Variants in TENM4 observed in about 807,000 individuals in gnomAD.
TENM4 encodes teneurin-4.
Under a neutral mutation model 243.3 loss-of-function variants are expected in TENM4, and 82 were observed. That is an observed-to-expected ratio of 0.34 (90% confidence interval 0.28 to 0.40). TENM4 has a LOEUF of 0.40. TENM4 is among the 10% of genes least tolerant of loss of function. The pLI is 1.00. For synonymous variants in TENM4, 1,412 were observed against 1,456.3 expected, an observed-to-expected ratio of 0.97 and a Z score of 0.69; for missense variants, 3,138 against 3,673.3, an observed-to-expected ratio of 0.85 and a Z score of 3.77.
Position 79,064,873 on chromosome 11 carries a change from C to T in TENM4, c.358G>A (p.Asp120Asn). The part of the protein sequence containing the change: ...GAGSDADMEA[D>N]TVLSPEHPVR... ...GGGTGCTCAGGGGACAGCACCGTGT[C>T]AGCCTCCATGTCGGCATCAGAGCCA... is the stretch of plus-strand genomic sequence containing the variant. The change falls in exon 6 of 34, where the codon GAC becomes AAC. Residue 120 changes from aspartate to asparagine, a missense_variant. Physicochemically the swap from Asp to Asn is conservative, Grantham distance 23. This residue lies in a region of TENM4 where 671 missense variants were observed against 614.1 expected (regional missense o/e 1.09). Coordinates refer to ENST00000278550, the MANE Select transcript of TENM4 (RefSeq NM_001098816.3). The T allele has an allele frequency of 6.4e-7, 1 of 1,550,772 alleles. No individual in the cohort carries two copies. Among genetic ancestry groups the T allele is most frequent in the African/African-American group, 1.4e-5 (1 of 73,162 alleles).
chr11:79,164,788 T>A (rs1446249845), intron 3 of TENM4, among the ~76,000 whole-genome samples: 1 of 151,772 alleles, frequency 6.6e-6, no homozygotes, highest in Non-Finnish European at 1.5e-5. Context: ...CTGTTTTTGC[T>A]TCATCATTTT....
At chr11:78,673,501 T>C (rs981149646) in intron 30 of TENM4, among the ~76,000 whole-genome samples, 9 of 152,178 alleles carry the variant, frequency 5.9e-5, no homozygotes, top group African/African-American at 1.2e-4. Context: ...TCTGGATCCC[T>C]GTGTGGTTAA....
chr11:79,039,760 C>T (rs974974419), intron 6 of TENM4, among the ~76,000 whole-genome samples: 2 of 152,122 alleles, frequency 1.3e-5, no homozygotes, highest in African/African-American at 4.8e-5. Context: ...TGTAACAAAC[C>T]TGCACGTTCA....
chr11:79,257,107 G>A (rs954816839), intron 2 of TENM4, among the ~76,000 whole-genome samples: 2 of 152,202 alleles, frequency 1.3e-5, no homozygotes, highest in Non-Finnish European at 2.9e-5. Context: ...CTGAGCACAG[G>A]ATGCATGCAG....
At chr11:79,119,393 A>G (rs1457126349) in intron 4 of TENM4, among the ~76,000 whole-genome samples, 3 of 151,052 alleles carry the variant, frequency 2.0e-5, no homozygotes, top group Non-Finnish European at 4.4e-5. Flanking sequence ...TGTTATAAAA[A>G]TCATTGTCAT....
intron 12 of TENM4, among the ~76,000 whole-genome samples, chr11:78,822,807 C>A (rs188555396): frequency 7.2e-5 from 11 of 152,248 alleles, no homozygotes; most frequent in African/African-American, 2.6e-4. Flanking sequence ...ATTACTTCAA[C>A]CAATACAAAC....
chr11:79,161,259 G>A (rs879810858), intron 3 of TENM4, among the ~76,000 whole-genome samples: 11 of 152,132 alleles, frequency 7.2e-5, no homozygotes, highest in Non-Finnish European at 1.3e-4. Context: ...CCCACATTAC[G>A]TCTTCTTGAG....
At chr11:79,261,615 G>T (rs575352138) in intron 2 of TENM4, among the ~76,000 whole-genome samples, 5 of 152,320 alleles carry the variant, frequency 3.3e-5, no homozygotes, top group Admixed American at 2.6e-4. Context: ...TGGGTCTGGA[G>T]GCTGGGCTGG....
rs567360340 is a variant in TENM4, at chr11:79,402,972, G to A, written c.-321+37537C>T. Among the ~76,000 whole-genome samples the A allele has an allele frequency of 9.2e-5, 14 of 152,202 alleles. No individual in the cohort carries two copies. In the South Asian group the frequency reaches 2.9e-3, roughly 32 times the overall value. ...TCTTTCCCCATTCACTGCTCCAAATGAATATTAAACCTTCACACAACATAA... is the reference window on the plus strand; with the variant it reads ...TCTTTCCCCATTCACTGCTCCAAATAAATATTAAACCTTCACACAACATAA... On this transcript the variant is annotated intron_variant, in intron 1 of 33. Transcript: ENST00000278550.
intron 6 of TENM4, among the ~76,000 whole-genome samples, chr11:79,028,405 G>T (rs182710903): frequency 3.2e-4 from 49 of 152,354 alleles, no homozygotes; most frequent in African/African-American, 1.2e-3. Flanking sequence ...CTGTAAGGGA[G>T]GGAGAAAAGC....
At chr11:78,693,078 A>G (rs1311018557) in intron 28 of TENM4, among the ~76,000 whole-genome samples, 1 of 152,262 alleles carries the variant, frequency 6.6e-6, no homozygotes, top group Non-Finnish European at 1.5e-5. Flanking sequence ...GCAGGTAGAC[A>G]GTACTCAGTA....
rs1286326796 is a variant in TENM4, at chr11:78,885,367, A to AGG, written c.1084+4417_1084+4418insCC. On this transcript the variant is annotated intron_variant, in intron 9 of 33. Coordinates refer to ENST00000278550, the MANE Select transcript of TENM4 (RefSeq NM_001098816.3). ...TCTGAATTGGTGCCTTTGGAGACAAAAATACATATTTTCTCTCTGAAGAGA... is the reference window on the plus strand; with the variant it reads ...TCTGAATTGGTGCCTTTGGAGACAAAGGAATACATATTTTCTCTCTGAAGAGA... 5.9e-5 allele frequency among the ~76,000 whole-genome samples: 9 copies of AGG among 152,312 alleles called. No homozygotes were observed. In the East Asian group the frequency reaches 1.5e-3, roughly 26 times the overall value.
chr11:79,291,498 T>C (rs930674168), intron 2 of TENM4, among the ~76,000 whole-genome samples: 1 of 152,094 alleles, frequency 6.6e-6, no homozygotes, highest in Admixed American at 6.5e-5. Flanking sequence ...AAGCCCACCC[T>C]GCAAACAGGG....
At chr11:79,077,162 C>T (rs1182630318) in intron 4 of TENM4, among the ~76,000 whole-genome samples, 2 of 152,134 alleles carry the variant, frequency 1.3e-5, no homozygotes, top group African/African-American at 4.8e-5. Flanking sequence ...ACTCCCAGTT[C>T]CTACCCTCCT....
At position 79,043,100 on chromosome 11, in the gene TENM4, G is replaced by T. The variant is rs1163793761; in HGVS notation, c.493+21638C>A. ...CCACTCTGGGATATTCCAGTAAATG[G>T]CTCCCTCCTCTCAGAGCTAACAGCA... On this transcript the variant is annotated intron_variant, in intron 6 of 33. Transcript: ENST00000278550. 1.3e-4 allele frequency among the ~76,000 whole-genome samples: 20 copies of T among 152,120 alleles called. 1 individual carries two copies.
chr11:79,125,857 A>T (rs10793363), intron 4 of TENM4, among the ~76,000 whole-genome samples: 59,328 of 151,948 alleles, frequency 0.39, 11,829 homozygotes, highest in South Asian at 0.47. Flanking sequence ...AGTCCCAGCG[A>T]GCCCCTAGAG....
At chr11:78,853,097 A>G (rs975525196) in intron 12 of TENM4, among the ~76,000 whole-genome samples, 1 of 152,032 alleles carries the variant, frequency 6.6e-6, no homozygotes. Context: ...CATGTCAGAG[A>G]GATTCCTAGC....
At position 79,047,475 on chromosome 11, in the gene TENM4, G is replaced by A. The variant is rs977647906; in HGVS notation, c.493+17263C>T. On this transcript the variant is annotated intron_variant, in intron 6 of 33. Coordinates refer to ENST00000278550, the MANE Select transcript of TENM4 (RefSeq NM_001098816.3). Reference sequence around the variant, plus strand: ...CTCTGGGGATGCTCACTTTGCTGGTGCAATGACAGCAGCTCCCGGGAACCA... The same window carrying A: ...CTCTGGGGATGCTCACTTTGCTGGTACAATGACAGCAGCTCCCGGGAACCA... Among the ~76,000 whole-genome samples the A allele has an allele frequency of 1.2e-4, 18 of 152,214 alleles. 1 individual carries two copies. The highest frequency in any genetic ancestry group is 4.3e-4 in the African/African-American group (18 of 41,442).
chr11:79,244,774 G>A (rs1855484090), intron 2 of TENM4, among the ~76,000 whole-genome samples: 1 of 152,206 alleles, frequency 6.6e-6, no homozygotes. Context: ...CAGACTAGCT[G>A]TAGAGGTGGG....
Sources: gnomAD v4.1 joint callset for allele counts (sites outside exome capture counted in the v4.1 genomes callset) on GRCh38, gnomAD v4.1.1 for gene constraint, gnomAD v4.1.1 regional missense constraint, MANE v1.5 for transcripts, NCBI Gene and HGNC (gene_info 2026-07-23, HGNC 2026-07-21) for gene names.